The following DDX60 variants were observed in gnomAD, a reference collection of about 807,000 sequenced individuals.
DDX60 encodes the protein DExD/H-box helicase 60.
Under a neutral mutation model 212.8 loss-of-function variants are expected in DDX60, and 165 were observed. That is an observed-to-expected ratio of 0.78 (90% confidence interval 0.68 to 0.88). The LOEUF (loss-of-function observed/expected upper bound fraction) is 0.88. DDX60 is among the 40% of genes least tolerant of loss of function. The pLI is 0.00. For synonymous variants in DDX60, 703 were observed against 685.3 expected (o/e 1.03, Z -0.40); for missense variants, 1,905 against 2,003.9 (o/e 0.95, Z 0.94).
At chr4:168,276,266 CCTCA>C in intron 14 of DDX60, 85 bp from the exon 15 acceptor site, 2 of 1,136,958 alleles carry the variant, frequency 1.8e-6, no homozygotes, top group Non-Finnish European at 2.5e-6. Flanking sequence ...ATCTAGATGG[CCTCA>C]CTATCTCACT....
rs757277669 is a variant in DDX60, at chr4:168,288,187, A to T, written c.1170T>A (p.Asn390Lys). 6.7e-7 allele frequency: 1 copy of T among 1,486,230 alleles called. No individual in the cohort carries two copies. The highest frequency in any genetic ancestry group is 1.2e-5 in the South Asian group (1 of 80,958). The allele number at this position is 1,486,230 out of a possible 1,614,324, so 92.1% of individuals were successfully genotyped here. A position where few individuals can be genotyped will look rare whatever the true frequency, so the allele number is the denominator to read the frequency against. Residue 390 changes from asparagine to lysine, a missense_variant, in exon 9 of 38, where the codon AAT (asparagine) becomes AAA (lysine). Transcript: ENST00000393743. Reference sequence around the variant, plus strand: ...CTGAGATGGTACCTTTTACATTTTCATTTTCATAGTAAAAAGCAATATTCT... The same window carrying T: ...CTGAGATGGTACCTTTTACATTTTCTTTTTCATAGTAAAAAGCAATATTCT... Reference protein sequence around the residue: ...LLKNIAFYYENENVKGLHLNL... With the variant: ...LLKNIAFYYEKENVKGLHLNL...
chr4:168,304,572 G>T (rs769187157), intron 5 of DDX60, among the ~76,000 whole-genome samples: 1 of 151,868 alleles, frequency 6.6e-6, no homozygotes, highest in African/African-American at 2.4e-5. Context: ...ATGGTGGTGC[G>T]CACCTGTAAT....
chr4:168,300,530 ACT>A (rs1306925577), intron 6 of DDX60, among the ~76,000 whole-genome samples: 1 of 150,752 alleles, frequency 6.6e-6, no homozygotes, highest in African/African-American at 2.4e-5. Flanking sequence ...ACGAATTGAG[ACT>A]CTGTCTCAAA....
In DDX60 at chr4:168,237,446, T is replaced by A. The variant is rs774843415; in HGVS notation, c.4270-19A>T. On this transcript the variant is annotated intron_variant, in intron 31 of 37. Transcript: ENST00000393743. Reference sequence around the variant, plus strand: ...AATAGCCCTAAAGAACAAAAAACAATTTATTAGTTTGACTCAAGTCACCAC... The same window carrying A: ...AATAGCCCTAAAGAACAAAAAACAAATTATTAGTTTGACTCAAGTCACCAC... 6.5e-7 allele frequency: 1 copy of A among 1,542,106 alleles called. No individual in the cohort carries two copies. The highest frequency in any genetic ancestry group is 8.7e-7 in the Non-Finnish European group (1 of 1,149,704).
At chr4:168,286,816 C>T (rs959258671) in intron 10 of DDX60, among the ~76,000 whole-genome samples, 23 of 152,202 alleles carry the variant, frequency 1.5e-4, no homozygotes, top group African/African-American at 5.5e-4. Flanking sequence ...TCATATATAT[C>T]TGGCTGTGTT....
intron 16 of DDX60, among the ~76,000 whole-genome samples, chr4:168,274,979 T>G (rs968919660): frequency 2.0e-5 from 3 of 152,222 alleles, no homozygotes; most frequent in Non-Finnish European, 4.4e-5. Flanking sequence ...TCTAAACAAT[T>G]GTCCCTACTA....
chr4:168,225,777 T>C (rs878866676), intron 33 of DDX60, 101 bp from the exon 34 acceptor site: 4 of 1,030,494 alleles, frequency 3.9e-6, no homozygotes, highest in South Asian at 3.3e-5. Flanking sequence ...TATAATTCTA[T>C]AGTTATCTAT....
chr4:168,270,692 TCAAA>T (rs1464984594), intron 19 of DDX60, among the ~76,000 whole-genome samples: 1 of 152,082 alleles, frequency 6.6e-6, no homozygotes, highest in Non-Finnish European at 1.5e-5. Flanking sequence ...TAAATCAGTA[TCAAA>T]CAAATCCAAA....
chr4:168,315,433 A>G (rs1005975345), intron 1 of DDX60, among the ~76,000 whole-genome samples: 2 of 152,202 alleles, frequency 1.3e-5, no homozygotes, highest in East Asian at 1.9e-4. Context: ...TTTTATTTTA[A>G]GTTCTGAAAT....
chr4:168,236,436 A>G, intron 32 of DDX60, 63 bp from the exon 33 acceptor site: 1 of 1,396,498 alleles, frequency 7.2e-7, no homozygotes, highest in Non-Finnish European at 9.7e-7. Context: ...TTTCATGTTT[A>G]AATGGAATGT....
At chr4:168,235,748 T>C (rs900664681) in intron 33 of DDX60, among the ~76,000 whole-genome samples, 4 of 152,110 alleles carry the variant, frequency 2.6e-5, no homozygotes, top group African/African-American at 9.6e-5. Flanking sequence ...AAATGTTGCA[T>C]GTTACAAATA....
chr4:168,278,162 GA>G (rs1207308289), intron 14 of DDX60, among the ~76,000 whole-genome samples: 1 of 152,212 alleles, frequency 6.6e-6, no homozygotes, highest in Non-Finnish European at 1.5e-5. Context: ...GTGAAAACAT[GA>G]AAGTTCTTGA....
At chr4:168,288,388 C>A in intron 8 of DDX60, 73 bp from the exon 9 acceptor site, 1 of 1,094,136 alleles carries the variant, frequency 9.1e-7, no homozygotes, top group Non-Finnish European at 1.3e-6. Flanking sequence ...TCATATGCTT[C>A]TGAACTGAAA....
At chr4:168,225,165 T>C (rs367852082) in intron 34 of DDX60, among the ~76,000 whole-genome samples, 8 of 152,032 alleles carry the variant, frequency 5.3e-5, no homozygotes, top group African/African-American at 1.9e-4. Flanking sequence ...GAACCAGAGT[T>C]TGGACCCAGA....
At chr4:168,273,755 TTG>T (rs3068227) in intron 17 of DDX60, among the ~76,000 whole-genome samples, 177 bp downstream of exon 17, 9,744 of 151,900 alleles carry the variant, frequency 0.064, 489 homozygotes, top group South Asian at 0.16. Context: ...ATGTACATGT[TTG>T]TGTGTGTGTG....
At position 168,251,309 on chromosome 4, in the gene DDX60, T is replaced by TA. The variant is rs1388814584; in HGVS notation, c.3706-204dup. Among the ~76,000 whole-genome samples the TA allele has an allele frequency of 4.6e-5, 7 of 152,212 alleles. No homozygotes were observed. In the East Asian group the frequency reaches 1.3e-3, roughly 29 times the overall value. ...TCCCACTTCTTTGGACAGACCATCT[T>TA]AAACTGTCTTACTCCACTTCTGGGG... On this transcript the variant is annotated intron_variant, in intron 27 of 37. Coordinates refer to ENST00000393743, the MANE Select transcript of DDX60 (RefSeq NM_017631.6).
chr4:168,271,322 CTT>C (rs1735088686), intron 19 of DDX60, among the ~76,000 whole-genome samples: 3 of 152,210 alleles, frequency 2.0e-5, no homozygotes, highest in African/African-American at 4.8e-5. Context: ...CAAAAGGACT[CTT>C]ATGATTTCTG....
intron 34 of DDX60, among the ~76,000 whole-genome samples, chr4:168,225,223 CAA>C (rs967107530): frequency 1.3e-5 from 2 of 151,984 alleles, no homozygotes; most frequent in African/African-American, 4.8e-5. Context: ...TATTTCCTCT[CAA>C]GAGAGAGTGA....
chr4:168,248,336 A>G (rs779797951), intron 28 of DDX60, 44 bp from the exon 29 acceptor site: 1 of 1,392,982 alleles, frequency 7.2e-7, no homozygotes, highest in South Asian at 1.3e-5. Context: ...TAGCATTTTA[A>G]TAGAATGCAA....
Sources: gnomAD v4.1 joint callset for allele counts (sites outside exome capture counted in the v4.1 genomes callset) on GRCh38, gnomAD v4.1.1 for gene constraint, MANE v1.5 for transcripts, NCBI Gene and HGNC (gene_info 2026-07-23, HGNC 2026-07-21) for gene names.